CNTN5: variants seen among roughly 807,000 people sequenced by gnomAD.
CNTN5 encodes contactin-5.
Under a neutral mutation model 129.1 loss-of-function variants are expected in CNTN5, and 77 were observed. The ratio of observed to expected loss-of-function variants is 0.60; its 90% CI spans 0.50 to 0.72. CNTN5 has a LOEUF of 0.72. CNTN5 is among the 30% of genes least tolerant of loss of function. The probability of loss-of-function intolerance (pLI) is 0.00; values close to 1 mark genes in which losing one functional copy is unlikely to be tolerated. For synonymous variants in CNTN5, 509 were observed against 465.6 expected (o/e 1.09, Z -1.20); for missense variants, 1,478 against 1,328.8 (o/e 1.11, Z -1.75).
chr11:99,252,226 C>A lies in CNTN5; in HGVS notation c.-209-73120C>A, dbSNP rs896717623. Among the ~76,000 whole-genome samples the A allele has an allele frequency of 2.0e-5, 3 of 151,820 alleles. No individual in the cohort carries two copies. The Admixed American group carries it at 2.0e-4, about 10-fold the overall frequency. On this transcript the variant is annotated intron_variant, in intron 1 of 24. Coordinates refer to ENST00000524871, the MANE Select transcript of CNTN5 (RefSeq NM_014361.4). ...TCTTTTCGTATACACCCTTTTTATG[C>A]GGATTAGATCATTTTCCCAGACCTT...
intron 1 of CNTN5, among the ~76,000 whole-genome samples, chr11:99,124,340 G>T (rs1284465281): frequency 1.3e-5 from 2 of 151,904 alleles, no homozygotes; most frequent in African/African-American, 4.8e-5. Flanking sequence ...AGATGTTCTT[G>T]GTTTATAGGA....
chr11:99,428,330 T>C (rs1591039426), intron 2 of CNTN5, among the ~76,000 whole-genome samples: 1 of 151,900 alleles, frequency 6.6e-6, no homozygotes, highest in African/African-American at 2.4e-5. Flanking sequence ...AGGGCCAAGG[T>C]GGGTGGATCA....
At chr11:99,873,284 G>A (rs145356303) in intron 6 of CNTN5, among the ~76,000 whole-genome samples, 35 of 151,574 alleles carry the variant, frequency 2.3e-4, no homozygotes, top group African/African-American at 7.3e-4. Context: ...AAAAAAATAC[G>A]CCTTTTTAAA....
intron 3 of CNTN5, among the ~76,000 whole-genome samples, chr11:99,736,808 A>T (rs1463134121): frequency 6.6e-6 from 1 of 152,178 alleles, no homozygotes; most frequent in Non-Finnish European, 1.5e-5. Context: ...ATTATGTATT[A>T]AATAAGATAC....
intron 3 of CNTN5, among the ~76,000 whole-genome samples, chr11:99,738,770 C>G (rs904036903): frequency 2.6e-5 from 4 of 151,876 alleles, no homozygotes; most frequent in Non-Finnish European, 4.4e-5. Flanking sequence ...CAAAGGAACT[C>G]GTACTCTATC....
intron 13 of CNTN5, among the ~76,000 whole-genome samples, chr11:100,128,233 C>G (rs770111837): frequency 6.6e-6 from 1 of 152,018 alleles, no homozygotes. Context: ...ACTTATTCTC[C>G]CTCCTTTTTT....
intron 3 of CNTN5, among the ~76,000 whole-genome samples, chr11:99,711,494 T>C (rs950720120): frequency 1.3e-5 from 2 of 152,080 alleles, no homozygotes; most frequent in Admixed American, 1.3e-4. Context: ...CAGTTTTTTT[T>C]ATTATACTTT....
intron 13 of CNTN5, among the ~76,000 whole-genome samples, chr11:100,114,050 A>G (rs1312294445): frequency 6.6e-6 from 1 of 152,072 alleles, no homozygotes; most frequent in Non-Finnish European, 1.5e-5. Flanking sequence ...CCATGTAAGT[A>G]TCTTATTCTA....
At chr11:99,847,538 C>T (rs1049472445) in intron 6 of CNTN5, among the ~76,000 whole-genome samples, 5 of 152,128 alleles carry the variant, frequency 3.3e-5, no homozygotes, top group Non-Finnish European at 7.4e-5. Context: ...TGGCTACATA[C>T]GCATAAAAAC....
At position 99,561,291 on chromosome 11, in the gene CNTN5, ATAAG is replaced by A. The variant is rs199944503; in HGVS notation, c.55+5042_55+5045del. Among the ~76,000 whole-genome samples the A allele has an allele frequency of 2.7e-4, 41 of 152,110 alleles. No homozygotes were observed. The East Asian group carries it at 2.9e-3, about 11-fold the overall frequency. On this transcript the variant is annotated intron_variant, in intron 3 of 24. Transcript: ENST00000524871. The stretch of plus-strand genomic sequence containing the variant: ...ACCAAAACTGGGACAATTTCAGCAA[ATAAG>A]TAAGTAAGTAAGTAAGTAAATAAAT...
chr11:100,222,904 A>T (rs1344558781), intron 15 of CNTN5, among the ~76,000 whole-genome samples: 1 of 152,170 alleles, frequency 6.6e-6, no homozygotes, highest in Non-Finnish European at 1.5e-5. Flanking sequence ...CCACAGTGGC[A>T]AATATAAAAA....
At chr11:99,445,311 G>A (rs1944017867) in intron 2 of CNTN5, among the ~76,000 whole-genome samples, 1 of 151,710 alleles carries the variant, frequency 6.6e-6, no homozygotes, top group Non-Finnish European at 1.5e-5. Flanking sequence ...CACATTGGTG[G>A]CAATAAGTAA....
chr11:99,778,523 C>T (rs1145377), intron 3 of CNTN5, among the ~76,000 whole-genome samples: 87,810 of 151,344 alleles, frequency 0.58, 26,258 homozygotes, highest in East Asian at 0.71. Context: ...GGTTCTTATT[C>T]CCCATCAAAT....
At chr11:99,091,586 A>T (rs1213792777) in intron 1 of CNTN5, among the ~76,000 whole-genome samples, 1 of 152,168 alleles carries the variant, frequency 6.6e-6, no homozygotes, top group East Asian at 1.9e-4. Flanking sequence ...GCTTTGTGAG[A>T]GCTGAGCCCA....
intron 1 of CNTN5, among the ~76,000 whole-genome samples, chr11:99,266,713 T>C (rs1189994669): frequency 6.6e-6 from 1 of 152,104 alleles, no homozygotes; most frequent in African/African-American, 2.4e-5. Context: ...ATAATGGTTA[T>C]AAGCAAAGCC....
intron 13 of CNTN5, among the ~76,000 whole-genome samples, chr11:100,110,703 T>C (rs2193863): frequency 0.068 from 10,315 of 152,296 alleles, 433 homozygotes; most frequent in Non-Finnish European, 0.097. Flanking sequence ...GGGCTCTGTA[T>C]TTAATTAAAT....
intron 11 of CNTN5, among the ~76,000 whole-genome samples, chr11:100,070,948 C>A (rs559583048): frequency 6.6e-6 from 1 of 151,070 alleles, no homozygotes; most frequent in Non-Finnish European, 1.5e-5. Flanking sequence ...CCTAAAATTG[C>A]TCGGTATCTT....
intron 1 of CNTN5, among the ~76,000 whole-genome samples, chr11:99,044,490 C>A (rs1328384112): frequency 6.6e-6 from 1 of 152,116 alleles, no homozygotes; most frequent in East Asian, 1.9e-4. Flanking sequence ...AAGCTCCATT[C>A]ACCTCTTCCA....
intron 2 of CNTN5, among the ~76,000 whole-genome samples, chr11:99,431,851 C>A (rs1032082729): frequency 6.6e-6 from 1 of 151,864 alleles, no homozygotes; most frequent in African/African-American, 2.4e-5. Flanking sequence ...GCTGGAGGGT[C>A]AAGAGGGAGG....
Sources: gnomAD v4.1 joint callset for allele counts (sites outside exome capture counted in the v4.1 genomes callset) on GRCh38, gnomAD v4.1.1 for gene constraint, MANE v1.5 for transcripts, NCBI Gene and HGNC (gene_info 2026-07-23, HGNC 2026-07-21) for gene names.